Variants in STIM2 observed in about 807,000 individuals in gnomAD.
The protein encoded by STIM2 is stromal interaction molecule 2.
Under a neutral mutation model 85.8 loss-of-function variants are expected in STIM2, and 31 were observed. The observed-to-expected ratio is 0.36, with a 90% CI of 0.27 to 0.49. The LOEUF is 0.49. STIM2 is among the 20% of genes least tolerant of loss of function. STIM2 has a pLI of 0.98. For missense variants in STIM2, 841 were observed against 927.6 expected (o/e 0.91, Z 1.21); for synonymous variants, 356 against 331.1 (o/e 1.08, Z -0.82).
chr4:26,927,502 G>A (rs1272851679), intron 2 of STIM2, among the ~76,000 whole-genome samples: 4 of 55,252 alleles, frequency 7.2e-5, no homozygotes, highest in South Asian at 6.2e-4. Flanking sequence ...GACACAGGAA[G>A]GGGAATATCA....
At chr4:26,936,552 A>T (rs978874103) in intron 2 of STIM2, among the ~76,000 whole-genome samples, 1 of 152,210 alleles carries the variant, frequency 6.6e-6, no homozygotes, top group African/African-American at 2.4e-5. Context: ...GAGAAACACC[A>T]TTGGTTGTAT....
chr4:27,006,974 T>G (rs1482493108), intron 7 of STIM2, among the ~76,000 whole-genome samples: 1 of 152,226 alleles, frequency 6.6e-6, no homozygotes, highest in African/African-American at 2.4e-5. Context: ...ATAAAGAGGA[T>G]GTCATGAAAA....
intron 1 of STIM2, 146 bp downstream of exon 1, chr4:26,861,515 C>A: frequency 8.5e-7 from 1 of 1,179,326 alleles, no homozygotes; most frequent in Non-Finnish European, 1.1e-6. Context: ...TGCTTCGTCG[C>A]GGTCCCCTGC....
chr4:26,860,917 C>T lies in STIM2; in HGVS notation c.-302C>T. 9.5e-7 allele frequency: 1 copy of T among 1,056,004 alleles called. No homozygotes were observed. The highest frequency in any genetic ancestry group is 1.2e-6 in the Non-Finnish European group (1 of 854,608). 65.4% of individuals were successfully genotyped at this position (1,056,004 alleles called of 1,614,324 possible). On this transcript the variant is annotated 5_prime_UTR_variant, in exon 1 of 12. Coordinates refer to ENST00000467087, the MANE Select transcript of STIM2 (RefSeq NM_020860.4). ...GCCTGAAGACGCCGTACCTTTCTAC[C>T]CCCCACCTTTTTTTTTTTTTTTTTT...
rs556776328 is a variant in STIM2 at position 26,891,491 on chromosome 4, A to G, written c.152-28013A>G. Among the ~76,000 whole-genome samples, 29 of 152,010 alleles carry G rather than the reference A, an allele frequency of 1.9e-4. No individual in the cohort carries two copies. In the South Asian group the frequency reaches 4.8e-3, roughly 25 times the overall value. On this transcript the variant is annotated intron_variant, in intron 1 of 11. Coordinates refer to ENST00000467087, the MANE Select transcript of STIM2 (RefSeq NM_020860.4). ...AACTAGTTCCTTAAAATAAATCTCTATATTTATACACATATATGTGTGTTT... is the reference window on the plus strand; with the variant it reads ...AACTAGTTCCTTAAAATAAATCTCTGTATTTATACACATATATGTGTGTTT...
chr4:26,942,680 A>T (rs1173759905), intron 2 of STIM2, among the ~76,000 whole-genome samples: 2 of 152,142 alleles, frequency 1.3e-5, no homozygotes, highest in African/African-American at 4.8e-5. Flanking sequence ...GCAATTTTTT[A>T]AAAAACTTGA....
At position 27,002,986 on chromosome 4, in the gene STIM2, G is replaced by T. The variant is rs138261553; in HGVS notation, c.863G>T (p.Arg288Leu). 1 of 1,599,450 alleles carries T rather than the reference G, an allele frequency of 6.3e-7. No homozygotes were observed. Among genetic ancestry groups the T allele is most frequent in the African/African-American group, 1.4e-5 (1 of 73,766 alleles). The change falls in exon 7 of 12, where the codon CGC becomes CTC. Residue 288 changes from arginine to leucine, a missense_variant. Physicochemically the swap from Arg to Leu is moderately radical, Grantham distance 102. Coordinates refer to ENST00000467087, the MANE Select transcript of STIM2 (RefSeq NM_020860.4). Reference sequence around the variant, plus strand: ...GCTGTAGAAAAGCAAAATTTAGAGCGCAAAATGATGGATGAAATCAATTAT... The same window carrying T: ...GCTGTAGAAAAGCAAAATTTAGAGCTCAAAATGATGGATGAAATCAATTAT...
chr4:26,993,192 T>C (rs1436905121), intron 3 of STIM2, among the ~76,000 whole-genome samples: 1 of 152,078 alleles, frequency 6.6e-6, no homozygotes, highest in African/African-American at 2.4e-5. Flanking sequence ...TCATCTTGAA[T>C]AGGAAGAAAC....
chr4:27,001,974 C>A (rs1728171527), intron 5 of STIM2, among the ~76,000 whole-genome samples: 1 of 152,120 alleles, frequency 6.6e-6, no homozygotes, highest in Admixed American at 6.6e-5. Context: ...CTTCTCCCAC[C>A]AGCAGGGGCG....
chr4:26,865,888 C>T (rs1274985739), intron 1 of STIM2, among the ~76,000 whole-genome samples: 1 of 151,976 alleles, frequency 6.6e-6, no homozygotes, highest in Non-Finnish European at 1.5e-5. Context: ...ATAATAGGCA[C>T]ATTTATTAAA....
intron 1 of STIM2, among the ~76,000 whole-genome samples, chr4:26,902,629 T>C (rs1426730315): frequency 6.6e-6 from 1 of 152,188 alleles, no homozygotes; most frequent in Non-Finnish European, 1.5e-5. Flanking sequence ...CTTCTTTCAT[T>C]TTAGATCATT....
At chr4:26,967,886 G>A (rs1406621258) in intron 3 of STIM2, among the ~76,000 whole-genome samples, 3 of 152,054 alleles carry the variant, frequency 2.0e-5, no homozygotes, top group East Asian at 1.9e-4. Context: ...AGCTTGACAC[G>A]AGAAATATGA....
At chr4:27,021,104 A>C in intron 11 of STIM2, 63 of 1,497,802 alleles carry the variant, frequency 4.2e-5, no homozygotes, top group Non-Finnish European at 5.1e-5. Context: ...TTAATATCTC[A>C]CTCTGTTCAT....
chr4:27,002,430 C>A, intron 6 of STIM2, 36 bp downstream of exon 6: 1 of 1,516,860 alleles, frequency 6.6e-7, no homozygotes. Flanking sequence ...TTTATGTAGG[C>A]AAATACAATT....
rs1729011860 is a variant in STIM2, at chr4:27,024,296, A to G, written c.*1300A>G. On this transcript the variant is annotated 3_prime_UTR_variant, in exon 12 of 12. Transcript: ENST00000467087. Reference sequence around the variant, plus strand: ...AGAGAGTTAAGTTCCATATAGCAACAAAGTATGTTAACATCTAGGGAGTTT... The same window carrying G: ...AGAGAGTTAAGTTCCATATAGCAACGAAGTATGTTAACATCTAGGGAGTTT... The G allele has an allele frequency of 6.6e-6, 1 of 152,234 alleles. No homozygotes were observed. The highest frequency in any genetic ancestry group is 1.5e-5 in the Non-Finnish European group (1 of 68,034). The allele number at this position is 152,234 out of a possible 1,614,324, so 9.4% of individuals were successfully genotyped here.
intron 1 of STIM2, among the ~76,000 whole-genome samples, chr4:26,890,131 G>A (rs1259341325): frequency 6.6e-6 from 1 of 152,196 alleles, no homozygotes; most frequent in East Asian, 1.9e-4. Context: ...AAGGCAGTTA[G>A]TGCTACAGCC....
At position 26,928,588 on chromosome 4, in the gene STIM2, G is replaced by A. The variant is rs114360081; in HGVS notation, c.282+8954G>A. 3.6e-3 allele frequency among the ~76,000 whole-genome samples: 543 copies of A among 152,108 alleles called. 2 individuals carry two copies. The highest frequency in any genetic ancestry group is 0.012 in the African/African-American group (501 of 41,494). On this transcript the variant is annotated intron_variant, in intron 2 of 11. Coordinates refer to ENST00000467087, the MANE Select transcript of STIM2 (RefSeq NM_020860.4). ...AGAGTCTTGCTGTGTGGCTCATGCT[G>A]GTTTCAAAAGCCTGGTCTCTAGCAA...
chr4:27,020,952 T>C (rs1728887520), intron 11 of STIM2: 1 of 1,513,906 alleles, frequency 6.6e-7, no homozygotes, highest in Non-Finnish European at 8.9e-7. Context: ...ACTTTTTACC[T>C]TGACTCTCCC....
At position 26,946,924 on chromosome 4, in the gene STIM2, T is replaced by A. The variant is rs538749038; in HGVS notation, c.283-10688T>A. Among the ~76,000 whole-genome samples, 14 of 152,332 alleles carry A rather than the reference T, an allele frequency of 9.2e-5. No homozygotes were observed. The South Asian group carries it at 2.3e-3, about 25-fold the overall frequency. On this transcript the variant is annotated intron_variant, in intron 2 of 11. Transcript: ENST00000467087. Reference sequence around the variant, plus strand: ...ACCTAAGATATGGGGACTAGCAAGCTAGAGTTTTATTTGACTATATTTTAG... The same window carrying A: ...ACCTAAGATATGGGGACTAGCAAGCAAGAGTTTTATTTGACTATATTTTAG...
Sources: allele counts gnomAD v4.1 joint callset (sites outside exome capture counted in the v4.1 genomes callset), GRCh38; gene constraint gnomAD v4.1.1; transcripts MANE v1.5; gene names NCBI Gene and HGNC (gene_info 2026-07-23, HGNC 2026-07-21).